Variants in ZFAND3 observed in about 807,000 individuals in gnomAD.
The protein encoded by ZFAND3 is AN1-type zinc finger protein 3.
Under a neutral mutation model 29.6 loss-of-function variants are expected in ZFAND3, and 10 were observed. The ratio of observed to expected loss-of-function variants is 0.34; its 90% confidence interval spans 0.21 to 0.57. The LOEUF is 0.57. Among genes scored for constraint, ZFAND3 ranks in the 20% least tolerant of loss-of-function variants. ZFAND3 has a pLI of 0.86. For missense variants in ZFAND3, 230 were observed against 304.5 expected (o/e 0.76, Z 1.82); for synonymous variants, 128 against 112.6 (o/e 1.14, Z -0.87).
At chr6:38,023,934 G>C (rs1157560444) in intron 2 of ZFAND3, among the ~76,000 whole-genome samples, 1 of 152,082 alleles carries the variant, frequency 6.6e-6, no homozygotes, top group Non-Finnish European at 1.5e-5. Context: ...CAGGAGGCTT[G>C]GTTGAGCCCA....
intron 1 of ZFAND3, among the ~76,000 whole-genome samples, chr6:37,924,306 TAA>T (rs1205064665): frequency 3.6e-5 from 5 of 139,000 alleles, no homozygotes; most frequent in African/African-American, 1.3e-4. Context: ...AATATCTACT[TAA>T]GTGCTTTTTT....
In ZFAND3 at chr6:37,827,123, C is replaced by T. The variant is rs115454522; in HGVS notation, c.71+7107C>T. ...GCTAATTTAGCTCTAAATTTCTTTC[C>T]GGCCCTAACATAGTTTATTTCCACT... On this transcript the variant is annotated intron_variant, in intron 1 of 5. Coordinates refer to ENST00000287218, the MANE Select transcript of ZFAND3 (RefSeq NM_021943.3). Among the ~76,000 whole-genome samples, 467 of 152,190 alleles carry T rather than the reference C, an allele frequency of 3.1e-3. 2 individuals are homozygous for T. Among genetic ancestry groups the T allele is most frequent in the African/African-American group, 0.011 (443 of 41,506 alleles).
chr6:37,924,694 G>A (rs1305486000), intron 1 of ZFAND3, among the ~76,000 whole-genome samples: 1 of 151,608 alleles, frequency 6.6e-6, no homozygotes, highest in Middle Eastern at 3.2e-3. Flanking sequence ...ACTGATGTGT[G>A]CCTAGAGTCT....
chr6:37,828,340 G>T (rs980179748), intron 1 of ZFAND3, among the ~76,000 whole-genome samples: 10 of 152,178 alleles, frequency 6.6e-5, no homozygotes, highest in African/African-American at 2.4e-4. Context: ...GGTGGGCTTT[G>T]CTGTCAGTTC....
chr6:37,906,111 ACAGT>A (rs551894255), intron 1 of ZFAND3, among the ~76,000 whole-genome samples: 78 of 152,280 alleles, frequency 5.1e-4, no homozygotes, highest in African/African-American at 1.8e-3. Context: ...GGTGTTTAGT[ACAGT>A]CAGTGTTATG....
At chr6:37,994,141 G>A (rs1275130680) in intron 2 of ZFAND3, among the ~76,000 whole-genome samples, 1 of 146,394 alleles carries the variant, frequency 6.8e-6, no homozygotes, top group African/African-American at 2.5e-5. Flanking sequence ...TGTGTGTTTT[G>A]GCTTCTGTTA....
intron 2 of ZFAND3, among the ~76,000 whole-genome samples, chr6:37,981,943 A>G (rs1053590054): frequency 2.6e-5 from 4 of 152,164 alleles, no homozygotes; most frequent in African/African-American, 9.7e-5. Flanking sequence ...GGACAACTCA[A>G]AGTGGGGAGA....
At chr6:38,067,941 T>C (rs1452541362) in intron 3 of ZFAND3, among the ~76,000 whole-genome samples, 1 of 152,134 alleles carries the variant, frequency 6.6e-6, no homozygotes, top group Non-Finnish European at 1.5e-5. Context: ...TGGAGGTGTT[T>C]GGGGGGTCAT....
At chr6:38,125,424 T>C (rs1263702756) in intron 5 of ZFAND3, among the ~76,000 whole-genome samples, 1 of 152,168 alleles carries the variant, frequency 6.6e-6, no homozygotes, top group Middle Eastern at 3.2e-3. Context: ...TGTAGAGAGA[T>C]GTCAGAAACA....
chr6:37,979,110 T>C (rs1762537705), intron 2 of ZFAND3, among the ~76,000 whole-genome samples: 1 of 152,216 alleles, frequency 6.6e-6, no homozygotes, highest in African/African-American at 2.4e-5. Flanking sequence ...TAATTTGTTC[T>C]TATTTTCTTT....
Position 37,819,916 on chromosome 6 carries a change from C to T in ZFAND3, c.-30C>T. On this transcript the variant is annotated 5_prime_UTR_variant, in exon 1 of 6. Transcript: ENST00000287218. Reference sequence around the variant, plus strand: ...CGGGCCCAGCCGCCGCCACCGCTGCCGCCGCCGAGCTCCGCCGCCGCCGAG... The same window carrying T: ...CGGGCCCAGCCGCCGCCACCGCTGCTGCCGCCGAGCTCCGCCGCCGCCGAG... 5 of 1,201,244 alleles carry T rather than the reference C, an allele frequency of 4.2e-6. No individual in the cohort carries two copies. The highest frequency in any genetic ancestry group is 3.1e-6 in the Non-Finnish European group (3 of 969,708). The allele number at this position is 1,201,244 out of a possible 1,614,324, so 74.4% of individuals were successfully genotyped here.
chr6:38,116,907 T>C (rs538576432), intron 5 of ZFAND3, among the ~76,000 whole-genome samples, 168 bp downstream of exon 5: 1 of 152,202 alleles, frequency 6.6e-6, no homozygotes, highest in East Asian at 1.9e-4. Flanking sequence ...GAGCATAGTA[T>C]GTTTGCCTCT....
At position 38,135,182 on chromosome 6, in the gene ZFAND3, G is replaced by A. The variant is rs12214758; in HGVS notation, c.530-17053G>A. On this transcript the variant is annotated intron_variant, in intron 5 of 5. Transcript: ENST00000287218. ...AGCCCTGGATAAGTTGGGAATAAGC[G>A]CTGAGAGGTGACACTCTTAACTGTT... 7.6e-3 allele frequency among the ~76,000 whole-genome samples: 1,161 copies of A among 152,336 alleles called. 5 individuals carry two copies. Among genetic ancestry groups the A allele is most frequent in the Non-Finnish European group, 0.013 (860 of 68,036 alleles).
At chr6:37,895,459 CTTT>C (rs11331881) in intron 1 of ZFAND3, among the ~76,000 whole-genome samples, 138 of 76,768 alleles carry the variant, frequency 1.8e-3, no homozygotes, top group African/African-American at 2.5e-3. Context: ...CTCAGAGGTT[CTTT>C]TTTTTTTTTT....
At chr6:37,856,308 C>A (rs1176113169) in intron 1 of ZFAND3, among the ~76,000 whole-genome samples, 1 of 152,182 alleles carries the variant, frequency 6.6e-6, no homozygotes, top group African/African-American at 2.4e-5. Context: ...TCTGTTTCTT[C>A]TCTAGTCTTA....
At chr6:37,883,894 C>A (rs1414845386) in intron 1 of ZFAND3, among the ~76,000 whole-genome samples, 6 of 145,024 alleles carry the variant, frequency 4.1e-5, no homozygotes, top group Admixed American at 2.0e-4. Context: ...CTAACTAGTT[C>A]ATAATGTATG....
chr6:38,102,026 A>C (rs1335909809), intron 4 of ZFAND3, among the ~76,000 whole-genome samples: 3 of 152,204 alleles, frequency 2.0e-5, no homozygotes, highest in Admixed American at 6.5e-5. Flanking sequence ...ACAGTCTCTC[A>C]CTGCTAGATT....
intron 2 of ZFAND3, among the ~76,000 whole-genome samples, chr6:38,047,939 A>G (rs1226576731): frequency 6.7e-6 from 1 of 149,296 alleles, no homozygotes; most frequent in Non-Finnish European, 1.5e-5. Flanking sequence ...GGTTAAGAAG[A>G]TCTGTTCCAG....
intron 4 of ZFAND3, among the ~76,000 whole-genome samples, chr6:38,087,347 T>C (rs1249235511): frequency 6.6e-6 from 1 of 152,076 alleles, no homozygotes; most frequent in African/African-American, 2.4e-5. Flanking sequence ...TGCGATCACA[T>C]CAGGTTAAAC....
Sources: allele counts gnomAD v4.1 joint callset (sites outside exome capture counted in the v4.1 genomes callset), GRCh38; gene constraint gnomAD v4.1.1; transcripts MANE v1.5; gene names NCBI Gene and HGNC (gene_info 2026-07-23, HGNC 2026-07-21).